STARD13: variants seen among roughly 807,000 people sequenced by gnomAD.
The protein encoded by STARD13 is StAR related lipid transfer domain containing 13.
In STARD13, 62 loss-of-function variants were observed where a neutral mutation model predicts 106.4. The observed-to-expected ratio is 0.58, with a 90% CI of 0.48 to 0.72. STARD13 has a LOEUF of 0.72. Among genes scored for constraint, STARD13 ranks in the 30% least tolerant of loss-of-function variants. The probability of loss-of-function intolerance (pLI) is 0.00; values close to 1 mark genes in which losing one functional copy is unlikely to be tolerated. For synonymous variants in STARD13, 565 were observed against 553.0 expected, an observed-to-expected ratio of 1.02 and a Z score of -0.31; for missense variants, 1,387 against 1,424.0, an observed-to-expected ratio of 0.97 and a Z score of 0.42.
At position 33,308,975 on chromosome 13, in the gene STARD13, G is replaced by A. The variant is rs554620020; in HGVS notation, c.124+41315C>T. On this transcript the variant is annotated intron_variant, in intron 1 of 5. Coordinates refer to the STARD13 transcript ENST00000567873. Reference sequence around the variant, plus strand: ...AGCTCTGAGGTCAGCAAGAGCCCCAGTGAACCTGATGGGCACTTTGCCTCT... The same window carrying A: ...AGCTCTGAGGTCAGCAAGAGCCCCAATGAACCTGATGGGCACTTTGCCTCT... Among the ~76,000 whole-genome samples, 20 of 152,324 alleles carry A rather than the reference G, an allele frequency of 1.3e-4. No individual in the cohort carries two copies. In the East Asian group the frequency reaches 3.9e-3, roughly 29 times the overall value.
the STARD13 span, among the ~76,000 whole-genome samples, chr13:33,644,373 G>T: frequency 2.0e-5 from 3 of 152,212 alleles, no homozygotes; most frequent in Non-Finnish European, 2.9e-5. Context: ...AACAGGAAGA[G>T]CCCTGGCCCT....
intron 1 of STARD13, among the ~76,000 whole-genome samples, chr13:33,326,552 G>A (rs764822502): frequency 2.6e-5 from 4 of 152,148 alleles, no homozygotes; most frequent in Non-Finnish European, 4.4e-5. Context: ...TGATATAATG[G>A]TGTTTTCGAA....
chr13:33,444,108 C>T, the STARD13 span, among the ~76,000 whole-genome samples: 4 of 152,052 alleles, frequency 2.6e-5, no homozygotes, highest in East Asian at 1.9e-4. Context: ...AGTTAGATCA[C>T]GTGTCTCTCG....
chr13:33,133,916 G>A (rs1673138281), intron 4 of STARD13, among the ~76,000 whole-genome samples: 2 of 152,132 alleles, frequency 1.3e-5, no homozygotes, highest in South Asian at 4.1e-4. Flanking sequence ...TGTACTGATT[G>A]TTTAAAAGAG....
chr13:33,337,151 T>G (rs2077906504), intron 1 of STARD13, among the ~76,000 whole-genome samples: 1 of 152,138 alleles, frequency 6.6e-6, no homozygotes, highest in Non-Finnish European at 1.5e-5. Flanking sequence ...CAAATGGGAA[T>G]AATGACAAAA....
intron 1 of STARD13, among the ~76,000 whole-genome samples, chr13:33,213,346 G>C (rs541093370): frequency 6.6e-6 from 1 of 152,302 alleles, no homozygotes; most frequent in African/African-American, 2.4e-5. Flanking sequence ...TGTCGGCAAA[G>C]AGTCAACCAT....
At chr13:33,108,885 A>G (rs186008039) in intron 12 of STARD13, among the ~76,000 whole-genome samples, 20 of 152,340 alleles carry the variant, frequency 1.3e-4, no homozygotes, top group Admixed American at 3.3e-4. Context: ...CTTTGGTAAT[A>G]TGCCACCCTT....
At chr13:33,263,459 G>A (rs1890746718) in intron 1 of STARD13, among the ~76,000 whole-genome samples, 1 of 152,190 alleles carries the variant, frequency 6.6e-6, no homozygotes. Flanking sequence ...AGAACTTTTG[G>A]TGGAAAACCA....
intron 8 of STARD13, among the ~76,000 whole-genome samples, chr13:33,116,672 CT>C (rs1875414426): frequency 6.6e-6 from 1 of 152,258 alleles, no homozygotes; most frequent in South Asian, 2.1e-4. Flanking sequence ...ATATCTGATA[CT>C]TCCAAACCAT....
the STARD13 span, among the ~76,000 whole-genome samples, chr13:33,573,338 C>T: frequency 1.3e-5 from 2 of 152,102 alleles, no homozygotes; most frequent in Non-Finnish European, 2.9e-5. Context: ...TATCTGATAT[C>T]GTACATACCA....
chr13:33,481,904 A>G, the STARD13 span, among the ~76,000 whole-genome samples: 1 of 151,484 alleles, frequency 6.6e-6, no homozygotes, highest in South Asian at 2.1e-4. Flanking sequence ...AACAGCGTGA[A>G]CCCAAGGGGC....
At chr13:33,576,092 A>G in the STARD13 span, among the ~76,000 whole-genome samples, 9 of 152,200 alleles carry the variant, frequency 5.9e-5, no homozygotes, top group Non-Finnish European at 1.5e-5. Flanking sequence ...GAGCAATATT[A>G]CTCATTAACT....
intron 1 of STARD13, among the ~76,000 whole-genome samples, chr13:33,278,182 G>C (rs1230594227): frequency 2.0e-5 from 3 of 149,962 alleles, no homozygotes; most frequent in Non-Finnish European, 4.5e-5. Flanking sequence ...TTTAAACACA[G>C]TTAAACTACT....
At chr13:33,672,572 C>T in the STARD13 span, among the ~76,000 whole-genome samples, 1 of 152,174 alleles carries the variant, frequency 6.6e-6, no homozygotes, top group Admixed American at 6.5e-5. Flanking sequence ...AGCTTATCCT[C>T]TAAGCAATTC....
the STARD13 span, among the ~76,000 whole-genome samples, chr13:33,402,081 T>C: frequency 6.6e-6 from 1 of 152,212 alleles, no homozygotes; most frequent in Non-Finnish European, 1.5e-5. Flanking sequence ...AGCCTGACAG[T>C]ACAAATAAAT....
the STARD13 span, among the ~76,000 whole-genome samples, chr13:33,399,321 G>T: frequency 1.3e-5 from 2 of 152,044 alleles, no homozygotes; most frequent in Non-Finnish European, 2.9e-5. Context: ...GGTTACCAGG[G>T]GATGGGGTGT....
intron 1 of STARD13, among the ~76,000 whole-genome samples, chr13:33,226,215 G>A (rs2858132): frequency 0.21 from 31,944 of 152,102 alleles, 3,709 homozygotes; most frequent in South Asian, 0.31. Flanking sequence ...ATTTTGTTAC[G>A]GCAGCCTGAG....
chr13:33,350,497 AGGACGGACGCGGCACTCCCGCC>A, exon 1 of STARD13: 1 of 1,468,942 alleles, frequency 6.8e-7, no homozygotes, highest in Non-Finnish European at 9.0e-7. Flanking sequence ...GCGACTGGAA[AGGACGGACGCGGCACTCCCGCC>A]GGGGTCCCGG....
At chr13:33,466,690 T>G in the STARD13 span, among the ~76,000 whole-genome samples, 1 of 152,172 alleles carries the variant, frequency 6.6e-6, no homozygotes, top group African/African-American at 2.4e-5. Context: ...AGTTTAAAGA[T>G]TGAAGTTAAA....
Sources: gnomAD v4.1 joint callset for allele counts (sites outside exome capture counted in the v4.1 genomes callset) on GRCh38, gnomAD v4.1.1 for gene constraint, MANE v1.5 for transcripts, NCBI Gene and HGNC (gene_info 2026-07-23, HGNC 2026-07-21) for gene names.